POLR2E: variants seen among roughly 807,000 people sequenced by gnomAD.
POLR2E encodes DNA-directed RNA polymerases I, II, and III subunit RPABC1.
POLR2E carries 35 observed loss-of-function variants against 29.8 expected under a neutral mutation model. The ratio of observed to expected loss-of-function variants is 1.17; its 90% confidence interval spans 0.90 to 1.55. The LOEUF (loss-of-function observed/expected upper bound fraction) is 1.55, where lower values mean the gene tolerates loss of function less well. POLR2E is among the 40% of genes most tolerant of loss of function. The pLI is 0.00. For synonymous variants in POLR2E, 174 were observed against 112.6 expected (o/e 1.55, Z -3.45); for missense variants, 287 against 288.6 (o/e 0.99, Z 0.04).
rs770059428 is a variant in POLR2E, at chr19:1,087,430, G to A, written c.*1305C>T. ...GGCCTCCCAAAGTGCTGGGATTACA[G>A]GCGTGAGCCACCGCGCCCGGCCACC... On this transcript the variant is annotated 3_prime_UTR_variant, in exon 8 of 8. Coordinates refer to ENST00000615234, the MANE Select transcript of POLR2E (RefSeq NM_002695.5). 2.6e-5 allele frequency: 4 copies of A among 152,448 alleles called. No homozygotes were observed. Among genetic ancestry groups the A allele is most frequent in the African/African-American group, 9.6e-5 (4 of 41,562 alleles). 9.4% of individuals were successfully genotyped at this position (152,448 alleles called of 1,614,324 possible). A position where few individuals can be genotyped will look rare whatever the true frequency, so the allele number is the denominator to read the frequency against.
intron 4 of POLR2E, among the ~76,000 whole-genome samples, chr19:1,090,482 T>C (rs1039502947): frequency 2.0e-5 from 3 of 148,562 alleles, no homozygotes; most frequent in South Asian, 2.2e-4. Context: ...TTTTTTTTTT[T>C]TGAGATGGAG....
chr19:1,090,725 G>C (rs1263636279), intron 4 of POLR2E, among the ~76,000 whole-genome samples, 183 bp downstream of exon 4: 2 of 152,022 alleles, frequency 1.3e-5, no homozygotes, highest in African/African-American at 2.4e-5. Context: ...GCCGGGATCT[G>C]CATTTCTAGG....
intron 4 of POLR2E, 68 bp downstream of exon 4, chr19:1,090,840 C>A: frequency 7.3e-7 from 1 of 1,378,998 alleles, no homozygotes; most frequent in Non-Finnish European, 1.0e-6. Flanking sequence ...CCCACATCTT[C>A]CTGGCCACCC....
chr19:1,091,496 CT>C (rs2043829068), intron 3 of POLR2E: 1 of 458,580 alleles, frequency 2.2e-6, no homozygotes, highest in African/African-American at 2.0e-5. Flanking sequence ...CCTCCGGCTC[CT>C]GGAATCTGCA....
intron 2 of POLR2E, among the ~76,000 whole-genome samples, chr19:1,093,500 G>A (rs1398369828): frequency 1.3e-5 from 2 of 152,144 alleles, no homozygotes; most frequent in Non-Finnish European, 2.9e-5. Context: ...GGGCTGGGGC[G>A]GGCAGGGGCC....
At chr19:1,090,285 A>ACCCAC in intron 4 of POLR2E, 140 bp from the exon 5 acceptor site, 1 of 684,810 alleles carries the variant, frequency 1.5e-6, no homozygotes, top group Non-Finnish European at 2.6e-6. Flanking sequence ...CAGGGAGCCC[A>ACCCAC]CCCACCCCAC....
At chr19:1,091,604 T>G in intron 3 of POLR2E, 188 bp downstream of exon 3, 2 of 588,906 alleles carry the variant, frequency 3.4e-6, no homozygotes, top group South Asian at 3.9e-5. Flanking sequence ...GGCGGCTGCC[T>G]GGGGTGGGGC....
chr19:1,091,617 A>G, intron 3 of POLR2E, 175 bp downstream of exon 3: 2 of 598,706 alleles, frequency 3.3e-6, no homozygotes, highest in South Asian at 3.7e-5. Flanking sequence ...GGTGGGGCCC[A>G]TGGACGCGGT....
intron 1 of POLR2E, 77 bp downstream of exon 1, chr19:1,095,182 G>A (rs2043914407): frequency 3.5e-6 from 5 of 1,442,882 alleles, no homozygotes; most frequent in Admixed American, 1.7e-5. Flanking sequence ...AGTACGAGGA[G>A]ACGCCGTGCT....
At position 1,094,005 on chromosome 19, in the gene POLR2E, G is replaced by A. The variant is rs12459404; in HGVS notation, c.131C>T (p.Ser44Phe). Residue 44 changes from serine (S) to phenylalanine (F), a missense_variant, in exon 2 of 8, where the codon TCT (serine) becomes TTT (phenylalanine). By Grantham distance (155) the Ser-to-Phe change is radical (BLOSUM62 -2). Coordinates refer to ENST00000615234, the MANE Select transcript of POLR2E (RefSeq NM_002695.5). ...DQTLEEFKAQ[S>F]GDKPSEGRPR... is the part of the protein sequence containing the mutation. ...CCGCCCCTCACTCGGCTTGTCCCCA[G>A]ATTGGGCTTTGAACTCCTCCAGGGT... is the stretch of plus-strand genomic sequence containing the variant. The A allele has an allele frequency of 1, 1,613,622 of 1,613,814 alleles. 806,716 individuals carry two copies. Among genetic ancestry groups the A allele is most frequent in the Middle Eastern group, 1 (6,056 of 6,056 alleles).
intron 4 of POLR2E, among the ~76,000 whole-genome samples, chr19:1,090,584 AT>A (rs1021982138): frequency 6.7e-6 from 1 of 150,130 alleles, no homozygotes; most frequent in African/African-American, 2.5e-5. Flanking sequence ...CGCCTGGCTA[AT>A]TTTTTTGTAT....
At chr19:1,089,832 C>T (rs1215035962) in intron 6 of POLR2E, 52 bp downstream of exon 6, 15 of 1,425,194 alleles carry the variant, frequency 1.1e-5, no homozygotes, top group Admixed American at 1.7e-5. Context: ...CCCCCTTCTC[C>T]GAGTGGTCAG....
At chr19:1,090,007 G>A (rs200848019) in intron 5 of POLR2E, 45 bp from the exon 6 acceptor site, 2 of 1,532,974 alleles carry the variant, frequency 1.3e-6, no homozygotes, top group Non-Finnish European at 1.8e-6. Flanking sequence ...CCGTTGGGGG[G>A]GCAGGGGTGT....
Position 1,090,896 on chromosome 19 carries a change from G to C in POLR2E, c.429+12C>G. ...GGCCCCACGCAGGCGGGATTCCGCG[G>C]CGCGCGCCCACCTCGTGCTCCGTGA... On this transcript the variant is annotated intron_variant, in intron 4 of 7. Coordinates refer to ENST00000615234, the MANE Select transcript of POLR2E (RefSeq NM_002695.5). The C allele has an allele frequency of 6.2e-7, 1 of 1,610,476 alleles. No individual in the cohort carries two copies. Among genetic ancestry groups the C allele is most frequent in the Non-Finnish European group, 8.5e-7 (1 of 1,178,828 alleles).
rs1245168101 is a variant in POLR2E, at chr19:1,087,890, A to ACGGGGAAGT, written c.*836_*844dup. On this transcript the variant is annotated 3_prime_UTR_variant, in exon 8 of 8. Transcript: ENST00000615234. ...CCTTCTGAAATCAGACAGTAAGCAA[A>ACGGGGAAGT]CGGGGAAGTAGAGCCAGATCCCAAA... The ACGGGGAAGT allele has an allele frequency of 6.6e-6, 1 of 152,294 alleles. No individual in the cohort carries two copies. The highest frequency in any genetic ancestry group is 2.1e-4 in the South Asian group (1 of 4,832). The allele number at this position is 152,294 out of a possible 1,614,324, so 9.4% of individuals were successfully genotyped here.
rs573559415 is a variant in POLR2E at position 1,088,724 on chromosome 19, G to GGAAAGGGGGAGAGTGGTCACAC, written c.*15-26_*15-5dup. The GGAAAGGGGGAGAGTGGTCACAC allele has an allele frequency of 0.016, 2,485 of 152,414 alleles. 30 individuals carry two copies. Among genetic ancestry groups the GGAAAGGGGGAGAGTGGTCACAC allele is most frequent in the Middle Eastern group, 0.034 (10 of 294 alleles). 9.4% of individuals were successfully genotyped at this position (152,414 alleles called of 1,614,324 possible). The stretch of plus-strand genomic sequence containing the variant: ...GCTGTGTGTCCGCCTCTAGGGGCTA[G>GGAAAGGGGGAGAGTGGTCACAC]GAAAGGGGGAGAGTGGTCACACGAC... On this transcript the variant is annotated splice_polypyrimidine_tract_variant and splice_region_variant and intron_variant, in intron 7 of 7. Transcript: ENST00000615234.
Position 1,091,917 on chromosome 19 carries a change from G to A in POLR2E, c.233-10C>T, listed in dbSNP as rs551833884. 7 of 1,586,162 alleles carry A rather than the reference G, an allele frequency of 4.4e-6. No homozygotes were observed. Among genetic ancestry groups the A allele is most frequent in the African/African-American group, 2.7e-5 (2 of 74,464 alleles). Reference sequence around the variant, plus strand: ...CCCACCTTGGGCTCCTCTGCAGACAGAGAGTGTGCTGGCCTGCACGAGCCT... The same window carrying A: ...CCCACCTTGGGCTCCTCTGCAGACAAAGAGTGTGCTGGCCTGCACGAGCCT... On this transcript the variant is annotated splice_polypyrimidine_tract_variant and intron_variant, in intron 2 of 7. Coordinates refer to ENST00000615234, the MANE Select transcript of POLR2E (RefSeq NM_002695.5).
Position 1,089,875 on chromosome 19 carries a change from A to G in POLR2E, c.567+9T>C. 6.2e-7 allele frequency: 1 copy of G among 1,608,078 alleles called. No individual in the cohort carries two copies. The highest frequency in any genetic ancestry group is 8.5e-7 in the Non-Finnish European group (1 of 1,176,690). On this transcript the variant is annotated intron_variant, in intron 6 of 7. Coordinates refer to ENST00000615234, the MANE Select transcript of POLR2E (RefSeq NM_002695.5). The stretch of plus-strand genomic sequence containing the variant: ...CAGCCCCAGGGCCCCTTCTCCCCAC[A>G]GGGCTCACCTGCCCACGCTTTATCC...
At chr19:1,092,701 A>C (rs2043863452) in intron 2 of POLR2E, among the ~76,000 whole-genome samples, 1 of 151,466 alleles carries the variant, frequency 6.6e-6, no homozygotes, top group Non-Finnish European at 1.5e-5. Context: ...AAAATTAATT[A>C]ATTAATTAAT....
Sources: allele counts gnomAD v4.1 joint callset (sites outside exome capture counted in the v4.1 genomes callset), GRCh38; gene constraint gnomAD v4.1.1; transcripts MANE v1.5; gene names NCBI Gene and HGNC (gene_info 2026-07-23, HGNC 2026-07-21).